JMY: variants seen among roughly 807,000 people sequenced by gnomAD.
JMY encodes the protein junction mediating and regulatory protein, p53 cofactor, also known as junction-mediating and -regulatory protein.
Under a neutral mutation model 103.3 loss-of-function variants are expected in JMY, and 46 were observed. That is an observed-to-expected ratio of 0.45 (90% CI 0.35 to 0.57). JMY has a LOEUF of 0.57. Among genes scored for constraint, JMY ranks in the 20% least tolerant of loss-of-function variants. The probability of loss-of-function intolerance (pLI) is 0.00; values close to 1 mark genes in which losing one functional copy is unlikely to be tolerated. For synonymous variants in JMY, 526 were observed against 489.3 expected (o/e 1.07, Z -0.99); for missense variants, 1,238 against 1,255.2 (o/e 0.99, Z 0.21).
chr5:79,273,826 G>T (rs1414185523), intron 1 of JMY, among the ~76,000 whole-genome samples: 1 of 150,096 alleles, frequency 6.7e-6, no homozygotes, highest in Non-Finnish European at 1.5e-5. Context: ...TTTCTTTTTT[G>T]TTTTTTTTTC....
Position 79,285,665 on chromosome 5 carries a change from G to A in JMY, c.1207-4456G>A, listed in dbSNP as rs1695648487. On this transcript the variant is annotated intron_variant, in intron 2 of 10. Transcript: ENST00000396137. ...ATAAAAACCCATGAATAGATACTAA[G>A]CTAATCATGTTGTTAGATCATTCAA... Among the ~76,000 whole-genome samples the A allele has an allele frequency of 2.0e-5, 3 of 151,752 alleles. No homozygotes were observed. The South Asian group carries it at 6.2e-4, about 32-fold the overall frequency.
Position 79,323,096 on chromosome 5 carries a change from A to C in JMY, c.*1494A>C, listed in dbSNP as rs554682015. 4.6e-5 allele frequency: 7 copies of C among 152,306 alleles called. No homozygotes were observed. Among genetic ancestry groups the C allele is most frequent in the African/African-American group, 1.7e-4 (7 of 41,562 alleles). 9.4% of individuals were successfully genotyped at this position (152,306 alleles called of 1,614,324 possible). On this transcript the variant is annotated 3_prime_UTR_variant, in exon 11 of 11. Transcript: ENST00000396137. ...TTTATTATTTCAAAACAAAACAGGC[A>C]CATGCCACCATGCCCCAGCTAATTT... is the stretch of plus-strand genomic sequence containing the variant.
chr5:79,290,204 C>T lies in JMY; in HGVS notation c.1290C>T (p.His430=). 6.3e-7 allele frequency: 1 copy of T among 1,593,226 alleles called. No individual in the cohort carries two copies. Residue 430 remains histidine (H), a synonymous_variant, in exon 3 of 11, where the codon CAC becomes CAT. Coordinates refer to ENST00000396137, the MANE Select transcript of JMY (RefSeq NM_152405.5). The stretch of plus-strand genomic sequence containing the variant: ...ATGCTGATTGGCAGCGGAAAGCTCA[C>T]ATGGCTGTACTGTCTATTCAAGATC... The part of the protein sequence containing the change: ...KEDADWQRKA[H]MAVLSIQDLT...
chr5:79,291,033 G>T (rs1301792808), intron 3 of JMY, 97 bp from the exon 4 acceptor site: 1 of 815,822 alleles, frequency 1.2e-6, no homozygotes, highest in Non-Finnish European at 1.8e-6. Flanking sequence ...ATGACAGCAG[G>T]ATTTGTTTCT....
intron 2 of JMY, among the ~76,000 whole-genome samples, chr5:79,282,317 A>T (rs112391868): frequency 0.012 from 1,864 of 152,344 alleles, 12 homozygotes; most frequent in Admixed American, 0.022. Context: ...ACAGGGAGCA[A>T]GCACCACAGA....
At position 79,312,371 on chromosome 5, in the gene JMY, G is replaced by A. The variant is rs769969453; in HGVS notation, c.1969-32G>A. The A allele has an allele frequency of 6.9e-6, 9 of 1,303,030 alleles. No homozygotes were observed. The Admixed American group carries it at 1.5e-4, about 22-fold the overall frequency. 80.7% of individuals were successfully genotyped at this position (1,303,030 alleles called of 1,614,324 possible). ...TATTAATGATAAAAATTGGGACACA[G>A]CATAATGGAATTATTATTAATTTTT... is the stretch of plus-strand genomic sequence containing the variant. On this transcript the variant is annotated intron_variant, in intron 7 of 10. Transcript: ENST00000396137.
intron 1 of JMY, among the ~76,000 whole-genome samples, chr5:79,265,239 A>G (rs2112070313): frequency 6.6e-6 from 1 of 152,310 alleles, no homozygotes; most frequent in East Asian, 1.9e-4. Context: ...ACTGTTTTAG[A>G]TTCAAGAAAA....
chr5:79,277,249 T>C (rs1262919019), intron 1 of JMY, among the ~76,000 whole-genome samples: 2 of 152,004 alleles, frequency 1.3e-5, no homozygotes, highest in African/African-American at 4.8e-5. Context: ...CCTGACATGA[T>C]TTTGAAGGAG....
chr5:79,290,520 A>G (rs1187174351), intron 3 of JMY, among the ~76,000 whole-genome samples: 1 of 152,128 alleles, frequency 6.6e-6, no homozygotes, highest in African/African-American at 2.4e-5. Context: ...GGAAAAAACC[A>G]TAAAACCTCA....
chr5:79,276,515 GTCC>G (rs1349589021), intron 1 of JMY, among the ~76,000 whole-genome samples: 4 of 151,872 alleles, frequency 2.6e-5, no homozygotes, highest in Admixed American at 6.6e-5. Context: ...CTGCAGACCC[GTCC>G]TCCTGGGCTC....
At chr5:79,300,117 C>T in intron 4 of JMY, 36 bp from the exon 5 acceptor site, 1 of 1,597,596 alleles carries the variant, frequency 6.3e-7, no homozygotes, top group Non-Finnish European at 8.6e-7. Flanking sequence ...TTGTCCCCAC[C>T]AGCTAGAAAT....
chr5:79,291,369 C>T lies in JMY; in HGVS notation c.1527+70C>T. 3 of 1,369,210 alleles carry T rather than the reference C, an allele frequency of 2.2e-6. No individual in the cohort carries two copies. The South Asian group carries it at 4.6e-5, about 21-fold the overall frequency. 84.8% of individuals were successfully genotyped at this position (1,369,210 alleles called of 1,614,324 possible). ...TTGTCATTTTAATCTTTGCACAAGA[C>T]ATTTTTTTGATTCGATAGGCAGTGA... On this transcript the variant is annotated intron_variant, in intron 4 of 10. Coordinates refer to ENST00000396137, the MANE Select transcript of JMY (RefSeq NM_152405.5).
At chr5:79,240,585 A>G (rs1344265858) in intron 1 of JMY, among the ~76,000 whole-genome samples, 1 of 152,232 alleles carries the variant, frequency 6.6e-6, no homozygotes, top group African/African-American at 2.4e-5. Context: ...CTAGGATTAC[A>G]GGCGTGAACC....
chr5:79,300,894 A>G, intron 6 of JMY, 31 bp downstream of exon 6: 1 of 1,541,596 alleles, frequency 6.5e-7, no homozygotes, highest in Admixed American at 2.0e-5. Context: ...TTCATTATTT[A>G]GTCTTTTATC....
At chr5:79,279,348 A>G (rs773299901) in intron 2 of JMY, among the ~76,000 whole-genome samples, 8 of 151,978 alleles carry the variant, frequency 5.3e-5, no homozygotes, top group Admixed American at 2.0e-4. Flanking sequence ...ATAAAATTAA[A>G]TTTTTTCCCC....
At chr5:79,251,877 C>T (rs966928568) in intron 1 of JMY, among the ~76,000 whole-genome samples, 3 of 152,116 alleles carry the variant, frequency 2.0e-5, no homozygotes, top group East Asian at 1.9e-4. Flanking sequence ...TGGATTCAAG[C>T]GATTCTTCTG....
chr5:79,259,693 G>T (rs1745359078), intron 1 of JMY, among the ~76,000 whole-genome samples: 1 of 152,240 alleles, frequency 6.6e-6, no homozygotes, highest in African/African-American at 2.4e-5. Context: ...CCCCGAGCCT[G>T]TGCACACCCA....
intron 1 of JMY, among the ~76,000 whole-genome samples, chr5:79,259,033 T>C (rs1561292920): frequency 1.3e-5 from 2 of 152,082 alleles, no homozygotes; most frequent in Non-Finnish European, 2.9e-5. Context: ...AGGAGACCTG[T>C]AGTGGGCAGC....
At chr5:79,284,369 A>T (rs761411108) in intron 2 of JMY, 55 of 1,287,004 alleles carry the variant, frequency 4.3e-5, no homozygotes, top group Non-Finnish European at 6.1e-5. Flanking sequence ...CAATTTATTG[A>T]CCACTTCTTT....
Sources: allele counts gnomAD v4.1 joint callset (sites outside exome capture counted in the v4.1 genomes callset), GRCh38; gene constraint gnomAD v4.1.1; transcripts MANE v1.5; gene names NCBI Gene and HGNC (gene_info 2026-07-23, HGNC 2026-07-21).